The following PPFIBP2 variants were observed in gnomAD, a reference collection of about 807,000 sequenced individuals.
PPFIBP2 encodes liprin-beta-2.
In PPFIBP2, 118 loss-of-function variants were observed where a neutral mutation model predicts 118.3. That is an observed-to-expected ratio of 1.00 (90% CI 0.86 to 1.16). The LOEUF is 1.16. PPFIBP2 is among the 50% of genes most tolerant of loss of function. The pLI is 0.00. For missense variants in PPFIBP2, 1,195 were observed against 1,073.1 expected (o/e 1.11, Z -1.59); for synonymous variants, 414 against 397.4 (o/e 1.04, Z -0.50).
chr11:7,620,319 G>T (rs11041485), intron 6 of PPFIBP2, among the ~76,000 whole-genome samples: 1 of 152,096 alleles, frequency 6.6e-6, no homozygotes, highest in Non-Finnish European at 1.5e-5. Flanking sequence ...AGCCGCATGA[G>T]TTATCTCCCT....
At chr11:7,597,737 T>A (rs1274772832) in intron 5 of PPFIBP2, 64 bp downstream of exon 5, 1 of 1,314,226 alleles carries the variant, frequency 7.6e-7, no homozygotes, top group African/African-American at 1.5e-5. Flanking sequence ...AGCCCCTTTG[T>A]GTGCCCAGGC....
At chr11:7,531,145 T>C (rs1850640207) in intron 1 of PPFIBP2, among the ~76,000 whole-genome samples, 1 of 152,162 alleles carries the variant, frequency 6.6e-6, no homozygotes, top group Non-Finnish European at 1.5e-5. Context: ...GGAACACTTG[T>C]GCAAGTGGGG....
chr11:7,649,042 G>C, intron 19 of PPFIBP2, 105 bp from the exon 20 acceptor site: 1 of 1,369,648 alleles, frequency 7.3e-7, no homozygotes, highest in Middle Eastern at 1.8e-4. Flanking sequence ...TAAACTTTTG[G>C]GGGAATAAAA....
rs1390856484 is a variant in PPFIBP2, at chr11:7,588,243, G to A, written c.280-4889G>A. 2.0e-5 allele frequency among the ~76,000 whole-genome samples: 3 copies of A among 152,214 alleles called. No homozygotes were observed. In the East Asian group the frequency reaches 5.8e-4, roughly 29 times the overall value. On this transcript the variant is annotated intron_variant, in intron 3 of 23. Coordinates refer to ENST00000299492, the MANE Select transcript of PPFIBP2 (RefSeq NM_003621.5). The stretch of plus-strand genomic sequence containing the variant: ...TTAGGTTAGGCTAGTATCATTGTAC[G>A]GTCCAAACTGCCCCTTATGTGGGGA...
chr11:7,549,329 A>G, intron 1 of PPFIBP2, 111 bp from the exon 2 acceptor site: 1 of 979,004 alleles, frequency 1.0e-6, no homozygotes, highest in Admixed American at 2.2e-5. Flanking sequence ...GGCTACTATG[A>G]TTCTTATGAA....
chr11:7,549,685 A>T, intron 2 of PPFIBP2, 146 bp downstream of exon 2: 3 of 866,636 alleles, frequency 3.5e-6, no homozygotes. Flanking sequence ...TGTGTATGTA[A>T]TCTCTTTTTT....
At chr11:7,637,668 A>G (rs1851624126) in intron 14 of PPFIBP2, among the ~76,000 whole-genome samples, 1 of 152,240 alleles carries the variant, frequency 6.6e-6, no homozygotes, top group Non-Finnish European at 1.5e-5. Flanking sequence ...AGACAGGAGA[A>G]ACAGAACTGG....
chr11:7,575,819 C>G (rs957525545), intron 3 of PPFIBP2, among the ~76,000 whole-genome samples: 5 of 152,214 alleles, frequency 3.3e-5, no homozygotes, highest in African/African-American at 1.2e-4. Context: ...GGCAGGGAAC[C>G]TGGGCTGGGT....
In PPFIBP2 at chr11:7,648,469, A is replaced by G; in HGVS notation, c.1729A>G (p.Ile577Val). 6.2e-7 allele frequency: 1 copy of G among 1,613,952 alleles called. No individual in the cohort carries two copies. Among genetic ancestry groups the G allele is most frequent in the Non-Finnish European group, 8.5e-7 (1 of 1,179,986 alleles). ...LEDFGLAQYV[I>V]FARQWVSSGH... is the part of the protein sequence containing the mutation. ...GGACTTTGGCCTGGCTCAGTATGTG[A>G]TCTTTGCCAGGCAGTGGGTATCTTC... Residue 577 changes from isoleucine to valine, a missense_variant, in exon 18 of 24, where the codon ATC becomes GTC. Ile to Val is a conservative substitution (Grantham distance 29). Coordinates refer to ENST00000299492, the MANE Select transcript of PPFIBP2 (RefSeq NM_003621.5).
At chr11:7,572,536 T>A (rs73411125) in intron 3 of PPFIBP2, among the ~76,000 whole-genome samples, 8,906 of 152,270 alleles carry the variant, frequency 0.058, 839 homozygotes, top group African/African-American at 0.2. Context: ...TTCCCCACTA[T>A]ATTTCCTGCT....
At chr11:7,560,855 T>G (rs1854224558) in intron 2 of PPFIBP2, among the ~76,000 whole-genome samples, 1 of 152,234 alleles carries the variant, frequency 6.6e-6, no homozygotes, top group East Asian at 1.9e-4. Context: ...AAATTGAATA[T>G]CATTTTTAAA....
At chr11:7,561,007 A>G (rs187475773) in intron 2 of PPFIBP2, among the ~76,000 whole-genome samples, 6 of 152,252 alleles carry the variant, frequency 3.9e-5, no homozygotes, top group African/African-American at 1.4e-4. Flanking sequence ...TCTTATTGAT[A>G]GATAAGGTCT....
chr11:7,634,986 CA>C (rs1329597346), intron 13 of PPFIBP2, among the ~76,000 whole-genome samples: 1 of 151,838 alleles, frequency 6.6e-6, no homozygotes, highest in Non-Finnish European at 1.5e-5. Context: ...GAGATGATCC[CA>C]AGGAAAGATG....
At chr11:7,525,219 A>G (rs1564937783) in intron 1 of PPFIBP2, among the ~76,000 whole-genome samples, 1 of 151,852 alleles carries the variant, frequency 6.6e-6, no homozygotes, top group East Asian at 1.9e-4. Context: ...GTCCTCGATT[A>G]AAATAGCTCT....
intron 1 of PPFIBP2, among the ~76,000 whole-genome samples, chr11:7,531,594 G>C (rs1255644260): frequency 6.6e-6 from 1 of 152,210 alleles, no homozygotes; most frequent in Non-Finnish European, 1.5e-5. Flanking sequence ...CAGTGGGTCA[G>C]GATAGAGGCC....
At chr11:7,660,891 G>C (rs932328361), downstream of PPFIBP2, among the ~76,000 whole-genome samples, 19 of 151,712 alleles carry the variant, frequency 1.3e-4, no homozygotes, top group African/African-American at 1.9e-4. Context: ...TGTATGTGTC[G>C]AGGAATTTAT....
the PPFIBP2 span, among the ~76,000 whole-genome samples, chr11:7,664,664 G>A: frequency 8.5e-5 from 13 of 152,118 alleles, no homozygotes; most frequent in Non-Finnish European, 1.5e-4. Flanking sequence ...GTCGGCAGGA[G>A]CAAACCAAGA....
chr11:7,519,269 G>GGGAAAAAGAGGTATGGTCGGGA (rs1351538153), intron 1 of PPFIBP2, among the ~76,000 whole-genome samples: 1 of 152,132 alleles, frequency 6.6e-6, no homozygotes, highest in Non-Finnish European at 1.5e-5. Context: ...GGATCTAACG[G>GGGAAAAAGAGGTATGGTCGGGA]GGAAAAAGAG....
intron 3 of PPFIBP2, among the ~76,000 whole-genome samples, chr11:7,582,203 TCGATCAG>T (rs1270015333): frequency 6.6e-6 from 1 of 152,220 alleles, no homozygotes; most frequent in African/African-American, 2.4e-5. Flanking sequence ...GAGGATGACA[TCGATCAG>T]AACTGACAAC....
Sources: allele counts gnomAD v4.1 joint callset (sites outside exome capture counted in the v4.1 genomes callset), GRCh38; gene constraint gnomAD v4.1.1; transcripts MANE v1.5; gene names NCBI Gene and HGNC (gene_info 2026-07-23, HGNC 2026-07-21).